CAPN3: variants seen among roughly 807,000 people sequenced by gnomAD.
CAPN3 encodes the protein calpain-3.
A neutral mutation model predicts 114.0 loss-of-function variants in CAPN3; 88 were observed. The observed-to-expected ratio is 0.77, with a 90% CI of 0.65 to 0.92. The LOEUF (loss-of-function observed/expected upper bound fraction) is 0.92. Among genes scored for constraint, CAPN3 ranks in the 40% least tolerant of loss-of-function variants. CAPN3 has a pLI of 0.00. For synonymous variants in CAPN3, 386 were observed against 382.9 expected, an observed-to-expected ratio of 1.01 and a Z score of -0.09; for missense variants, 1,028 against 1,069.0, an observed-to-expected ratio of 0.96 and a Z score of 0.53.
intron 1 of CAPN3, among the ~76,000 whole-genome samples, chr15:42,367,625 T>C (rs144790397): frequency 2.6e-5 from 4 of 152,206 alleles, no homozygotes; most frequent in South Asian, 2.1e-4. Context: ...TTTCCTGATA[T>C]AAAGGTTTTA....
In CAPN3 at chr15:42,411,933, A is replaced by T; in HGVS notation, c.*160A>T. The T allele has an allele frequency of 6.5e-7, 1 of 1,545,508 alleles. No individual in the cohort carries two copies. Among genetic ancestry groups the T allele is most frequent in the Non-Finnish European group, 8.7e-7 (1 of 1,143,954 alleles). On this transcript the variant is annotated 3_prime_UTR_variant, in exon 24 of 24. Coordinates refer to ENST00000397163, the MANE Select transcript of CAPN3 (RefSeq NM_000070.3). Reference sequence around the variant, plus strand: ...TCCTCCTCCATTTTACCCCCTACCCATCCTTGATCGGTCATGCCTAGCCTG... The same window carrying T: ...TCCTCCTCCATTTTACCCCCTACCCTTCCTTGATCGGTCATGCCTAGCCTG...
At position 42,363,169 on chromosome 15, in the gene CAPN3, T is replaced by A. The variant is rs565691118; in HGVS notation, c.309+3055T>A. Among the ~76,000 whole-genome samples, 3 of 152,318 alleles carry A rather than the reference T, an allele frequency of 2.0e-5. No homozygotes were observed. In the South Asian group the frequency reaches 6.2e-4, roughly 32 times the overall value. ...TGTAATCTCTTCTCTTACTCACCAG[T>A]GCTACCTCACAGACTTTCTTCCTCT... is the stretch of plus-strand genomic sequence containing the variant. On this transcript the variant is annotated intron_variant, in intron 1 of 23. Coordinates refer to ENST00000397163, the MANE Select transcript of CAPN3 (RefSeq NM_000070.3).
At chr15:42,411,107 C>T (rs2054210728) in intron 22 of CAPN3, 107 bp downstream of exon 22, 1 of 1,078,982 alleles carries the variant, frequency 9.3e-7, no homozygotes, top group Non-Finnish European at 1.4e-6. Flanking sequence ...TGAACAAGGG[C>T]CAATGACCTC....
intron 6 of CAPN3, among the ~76,000 whole-genome samples, chr15:42,390,782 G>GTTTTTTTTT (rs1213260658): frequency 5.1e-5 from 6 of 117,994 alleles, no homozygotes; most frequent in Admixed American, 1.7e-4. Context: ...AGTTTTTTTT[G>GTTTTTTTTT]TTTTTTTGTT....
At chr15:42,383,290 G>T (rs1175870015) in intron 1 of CAPN3, among the ~76,000 whole-genome samples, 2 of 152,086 alleles carry the variant, frequency 1.3e-5, no homozygotes, top group Non-Finnish European at 2.9e-5. Flanking sequence ...GAAGAATGGG[G>T]CTAAAACCAG....
chr15:42,411,058 G>A, intron 22 of CAPN3, 58 bp downstream of exon 22: 1 of 1,330,514 alleles, frequency 7.5e-7, no homozygotes, highest in Non-Finnish European at 1.1e-6. Context: ...GTGGCAACAG[G>A]CATCTCACCT....
intron 2 of CAPN3, among the ~76,000 whole-genome samples, chr15:42,384,960 T>C (rs2053354777): frequency 1.3e-5 from 2 of 152,218 alleles, no homozygotes; most frequent in Non-Finnish European, 2.9e-5. Context: ...AGGAAAGCAC[T>C]TGTAACTGGA....
intron 13 of CAPN3, 129 bp downstream of exon 13, chr15:42,403,131 A>G: frequency 2.7e-6 from 2 of 738,692 alleles, no homozygotes; most frequent in Non-Finnish European, 4.8e-6. Context: ...CACTGGCCAC[A>G]TTACCCCCAT....
chr15:42,411,404 A>T (rs1387787070), intron 23 of CAPN3, 59 bp downstream of exon 23: 12 of 1,464,398 alleles, frequency 8.2e-6, no homozygotes, highest in African/African-American at 1.4e-5. Context: ...GGAGGGGTCA[A>T]CGGGGCGGAC....
intron 1 of CAPN3, among the ~76,000 whole-genome samples, chr15:42,371,552 T>A (rs1036014456): frequency 1.3e-5 from 2 of 152,232 alleles, no homozygotes; most frequent in Non-Finnish European, 2.9e-5. Context: ...TACTGAGTTG[T>A]CTTTTTCAAT....
At chr15:42,385,677 A>C (rs1441841998) in intron 2 of CAPN3, 1 of 519,902 alleles carries the variant, frequency 1.9e-6, no homozygotes, top group Non-Finnish European at 3.8e-6. Context: ...TGCCCCCTAT[A>C]GACGGGTTCC....
intron 1 of CAPN3, among the ~76,000 whole-genome samples, chr15:42,383,484 G>A (rs1343996409): frequency 6.6e-6 from 1 of 151,984 alleles, no homozygotes; most frequent in Non-Finnish European, 1.5e-5. Flanking sequence ...AGCTACTCGG[G>A]AGGCTGAGAC....
chr15:42,384,015 C>T (rs1293752837), intron 1 of CAPN3, among the ~76,000 whole-genome samples: 3 of 152,198 alleles, frequency 2.0e-5, no homozygotes, highest in East Asian at 1.9e-4. Flanking sequence ...TTCTTAACCT[C>T]TCTGGGCCTC....
intron 1 of CAPN3, among the ~76,000 whole-genome samples, chr15:42,372,739 TTGG>T (rs2052986690): frequency 6.6e-6 from 1 of 151,734 alleles, no homozygotes; most frequent in Non-Finnish European, 1.5e-5. Context: ...TCCCAGCTAC[TTGG>T]GAGGCTGAGG....
Position 42,364,954 on chromosome 15 carries a change from G to A in CAPN3, c.309+4840G>A, listed in dbSNP as rs561675234. 5.3e-5 allele frequency among the ~76,000 whole-genome samples: 8 copies of A among 152,272 alleles called. No homozygotes were observed. In the South Asian group the frequency reaches 1.7e-3, roughly 32 times the overall value. On this transcript the variant is annotated intron_variant, in intron 1 of 23. Transcript: ENST00000397163. ...CAGTTGCAGGACCTTGTGATGAAAA[G>A]GTATCTGGTCCTCTCCTCACCCTTG...
At chr15:42,383,801 G>A (rs1045263530) in intron 1 of CAPN3, among the ~76,000 whole-genome samples, 2 of 151,648 alleles carry the variant, frequency 1.3e-5, no homozygotes, top group African/African-American at 4.8e-5. Flanking sequence ...TTGAACTCCT[G>A]ACCTCAAGTG....
intron 1 of CAPN3, among the ~76,000 whole-genome samples, chr15:42,370,679 C>T (rs920332699): frequency 1.3e-5 from 2 of 152,148 alleles, no homozygotes; most frequent in African/African-American, 2.4e-5. Flanking sequence ...TGAACACTGA[C>T]TCGGCCACTA....
chr15:42,373,634 G>T (rs2053012633), intron 1 of CAPN3, among the ~76,000 whole-genome samples: 1 of 151,446 alleles, frequency 6.6e-6, no homozygotes, highest in South Asian at 2.1e-4. Flanking sequence ...TAAAGGTCCT[G>T]AATTTGCAAC....
intron 7 of CAPN3, among the ~76,000 whole-genome samples, chr15:42,393,316 T>C (rs1043646091): frequency 3.3e-5 from 5 of 152,248 alleles, no homozygotes; most frequent in African/African-American, 4.8e-5. Flanking sequence ...TTTTTCTTTT[T>C]TTGAATATTT....
Sources: allele counts gnomAD v4.1 joint callset (sites outside exome capture counted in the v4.1 genomes callset), GRCh38; gene constraint gnomAD v4.1.1; transcripts MANE v1.5; gene names NCBI Gene and HGNC (gene_info 2026-07-23, HGNC 2026-07-21).